SPHKAP: variants seen among roughly 807,000 people sequenced by gnomAD.
The protein encoded by SPHKAP is A-kinase anchor protein SPHKAP.
Under a neutral mutation model 137.5 loss-of-function variants are expected in SPHKAP, and 67 were observed. That is an observed-to-expected ratio of 0.49 (90% CI 0.40 to 0.60). The LOEUF is 0.60. SPHKAP is among the 20% of genes least tolerant of loss of function. SPHKAP has a pLI of 0.00. For missense variants in SPHKAP, 2,097 were observed against 2,069.3 expected (o/e 1.01, Z -0.26); for synonymous variants, 813 against 785.3 (o/e 1.04, Z -0.59).
intron 3 of SPHKAP, among the ~76,000 whole-genome samples, chr2:228,105,140 T>C (rs536571970): frequency 1.3e-4 from 20 of 152,292 alleles, no homozygotes; most frequent in African/African-American, 4.1e-4. Context: ...AGCTAAGTTT[T>C]AAATTGTATG....
At chr2:228,012,163 CAAA>C (rs544782857) in intron 7 of SPHKAP, among the ~76,000 whole-genome samples, 1,781 of 84,776 alleles carry the variant, frequency 0.021, 25 homozygotes, top group African/African-American at 0.054. Flanking sequence ...GACTCTACCT[CAAA>C]AAAAAAAAAA....
intron 7 of SPHKAP, among the ~76,000 whole-genome samples, chr2:228,011,394 A>G (rs1203072381): frequency 1.3e-5 from 2 of 152,172 alleles, no homozygotes; most frequent in Non-Finnish European, 2.9e-5. Flanking sequence ...GCCTTTAGAA[A>G]ATGAATTTTT....
At chr2:228,049,080 C>G (rs1696164741) in intron 3 of SPHKAP, among the ~76,000 whole-genome samples, 1 of 152,102 alleles carries the variant, frequency 6.6e-6, no homozygotes, top group South Asian at 2.1e-4. Flanking sequence ...TATGCAACCA[C>G]TAGGAGGCTC....
intron 3 of SPHKAP, among the ~76,000 whole-genome samples, chr2:228,031,523 T>G (rs892731242): frequency 1.9e-4 from 29 of 152,186 alleles, no homozygotes; most frequent in African/African-American, 5.5e-4. Flanking sequence ...AGAGTAGTGG[T>G]TCTCCCAGCA....
intron 2 of SPHKAP, among the ~76,000 whole-genome samples, chr2:228,127,386 A>G (rs1699109609): frequency 6.6e-6 from 1 of 152,222 alleles, no homozygotes; most frequent in African/African-American, 2.4e-5. Context: ...TGTTCTGGAT[A>G]CAAAGAAGAA....
chr2:228,169,326 C>G (rs574167214), intron 1 of SPHKAP, among the ~76,000 whole-genome samples: 3 of 152,102 alleles, frequency 2.0e-5, no homozygotes, highest in Admixed American at 6.6e-5. Flanking sequence ...AGTCAATGCC[C>G]GGCTTCAAAG....
intron 3 of SPHKAP, among the ~76,000 whole-genome samples, chr2:228,064,784 AC>A (rs1268989215): frequency 1.3e-5 from 2 of 152,224 alleles, no homozygotes; most frequent in Non-Finnish European, 2.9e-5. Context: ...TTGCCAAAAA[AC>A]CAGGAAAGTG....
Position 228,131,960 on chromosome 2 carries a change from G to C in SPHKAP, c.138+20C>G, listed in dbSNP as rs767156943. ...TTCAAGTTCAACTGACAAGAAGAAAGTGGCGTAAGGCAAGGTTACCTTCTT... is the reference window on the plus strand; with the variant it reads ...TTCAAGTTCAACTGACAAGAAGAAACTGGCGTAAGGCAAGGTTACCTTCTT... On this transcript the variant is annotated intron_variant, in intron 2 of 11. Coordinates refer to ENST00000392056, the MANE Select transcript of SPHKAP (RefSeq NM_001142644.2). The C allele has an allele frequency of 6.2e-7, 1 of 1,609,282 alleles. No individual in the cohort carries two copies. Among genetic ancestry groups the C allele is most frequent in the African/African-American group, 1.3e-5 (1 of 74,784 alleles).
At chr2:228,080,794 A>T (rs937612315) in intron 3 of SPHKAP, among the ~76,000 whole-genome samples, 5 of 151,264 alleles carry the variant, frequency 3.3e-5, no homozygotes, top group Admixed American at 6.6e-5. Context: ...AAACCAAACC[A>T]CAATGATGTA....
chr2:228,054,631 T>C (rs10172089), intron 3 of SPHKAP, among the ~76,000 whole-genome samples: 58,136 of 151,870 alleles, frequency 0.38, 11,588 homozygotes, highest in South Asian at 0.51. Context: ...ACCTCCACAA[T>C]CAGAATTTCT....
intron 3 of SPHKAP, among the ~76,000 whole-genome samples, chr2:228,083,240 G>T (rs552025399): frequency 6.6e-6 from 1 of 152,204 alleles, no homozygotes; most frequent in Non-Finnish European, 1.5e-5. Context: ...GTAAAACAAT[G>T]GGCAGTGTCT....
intron 1 of SPHKAP, among the ~76,000 whole-genome samples, chr2:228,135,172 G>C (rs1041493147): frequency 1.3e-5 from 2 of 151,458 alleles, no homozygotes; most frequent in African/African-American, 2.4e-5. Flanking sequence ...TACTCAGGAG[G>C]CTGAGACAGG....
chr2:228,014,478 A>G (rs1385444311), intron 7 of SPHKAP, among the ~76,000 whole-genome samples: 1 of 152,222 alleles, frequency 6.6e-6, no homozygotes, highest in East Asian at 1.9e-4. Flanking sequence ...CTTTTTGGTT[A>G]GCTCTGCCTA....
chr2:228,151,379 T>A lies in SPHKAP; in HGVS notation c.33-19294A>T, dbSNP rs541124258. ...TCCAAGTCTTTGCTATTGTGAATAG[T>A]GCCGCAATAAACATACGTGTGCATG... On this transcript the variant is annotated intron_variant, in intron 1 of 11. Transcript: ENST00000392056. Among the ~76,000 whole-genome samples, 1,443 of 151,858 alleles carry A rather than the reference T, an allele frequency of 9.5e-3. 13 individuals are homozygous for A. Among genetic ancestry groups the A allele is most frequent in the African/African-American group, 0.033 (1,372 of 41,364 alleles).
At chr2:228,030,815 C>T (rs559399377) in intron 3 of SPHKAP, among the ~76,000 whole-genome samples, 18 of 151,892 alleles carry the variant, frequency 1.2e-4, no homozygotes, top group Admixed American at 1.0e-3. Flanking sequence ...TCTAGAGAAA[C>T]TAGAAAAATA....
intron 3 of SPHKAP, among the ~76,000 whole-genome samples, chr2:228,058,772 C>T (rs539351012): frequency 6.6e-6 from 1 of 152,324 alleles, no homozygotes; most frequent in Admixed American, 6.5e-5. Context: ...ATAGAAGAAT[C>T]TGCTTATTCA....
In SPHKAP at chr2:228,018,352, A is replaced by G. The variant is rs2106212505; in HGVS notation, c.2502T>C (p.Tyr834=). The change falls in exon 7 of 12, where the codon TAT becomes TAC. Residue 834 remains tyrosine, a synonymous_variant. Coordinates refer to ENST00000392056, the MANE Select transcript of SPHKAP (RefSeq NM_001142644.2). ...STATTSSKEI[Y]LKGIAGEDTK... ...TATCCTCTCCTGCTATTCCTTTCAG[A>G]TATATTTCCTTGGAGGATGTTGTAG... The G allele has an allele frequency of 1.2e-6, 2 of 1,614,032 alleles. No homozygotes were observed. Among genetic ancestry groups the G allele is most frequent in the Non-Finnish European group, 1.7e-6 (2 of 1,180,002 alleles).
chr2:228,044,420 G>T (rs1448550001), intron 3 of SPHKAP, among the ~76,000 whole-genome samples: 1 of 152,058 alleles, frequency 6.6e-6, no homozygotes, highest in Non-Finnish European at 1.5e-5. Context: ...AGTTTCACGG[G>T]TACTCTAAGA....
In SPHKAP at chr2:228,017,834, G is replaced by C. The variant is rs752182241; in HGVS notation, c.3020C>G (p.Thr1007Arg). 3.1e-6 allele frequency: 5 copies of C among 1,614,014 alleles called. No individual in the cohort carries two copies. The South Asian group carries it at 4.4e-5, about 14-fold the overall frequency. ...TTCTTTAAGCTCAGGGTGCTCGTCC[G>C]TCTTCCTCTTGATCTCACTGAGCCG... Reference protein sequence around the residue: ...PPRLSEIKRKTDEHPELKEKL... With the variant: ...PPRLSEIKRKRDEHPELKEKL... The change falls in exon 7 of 12, where the codon ACG becomes AGG. Residue 1007 changes from threonine (T) to arginine (R), a missense_variant. Physicochemically the swap from Thr to Arg is moderately conservative, Grantham distance 71 (BLOSUM62 -1). Transcript: ENST00000392056.
Sources: gnomAD v4.1 joint callset for allele counts (sites outside exome capture counted in the v4.1 genomes callset) on GRCh38, gnomAD v4.1.1 for gene constraint, MANE v1.5 for transcripts, NCBI Gene and HGNC (gene_info 2026-07-23, HGNC 2026-07-21) for gene names.